WASHC5: variants seen among roughly 807,000 people sequenced by gnomAD.
WASHC5 encodes the protein WASH complex subunit 5.
Under a neutral mutation model 150.4 loss-of-function variants are expected in WASHC5, and 101 were observed. The observed-to-expected ratio is 0.67, with a 90% CI of 0.57 to 0.79. The LOEUF is 0.79. WASHC5 is among the 30% of genes least tolerant of loss of function. WASHC5 has a pLI of 0.00. For missense variants in WASHC5, 1,195 were observed against 1,396.3 expected (o/e 0.86, Z 2.30); for synonymous variants, 467 against 491.2 (o/e 0.95, Z 0.65).
chr8:125,063,678 T>C, intron 10 of WASHC5, 27 bp from the exon 11 acceptor site: 1 of 1,611,064 alleles, frequency 6.2e-7, no homozygotes, highest in South Asian at 1.1e-5. Context: ...AAATATTTAT[T>C]TACTTAAGAG....
rs10429323 is a variant in WASHC5 at position 125,067,625 on chromosome 8, T to C, written c.1245A>G (p.Leu415=). 4.7e-3 allele frequency: 7,589 copies of C among 1,612,736 alleles called. 312 individuals carry two copies. In the African/African-American group the frequency reaches 0.09, roughly 19 times the overall value. The part of the protein sequence containing the change: ...YNPRILFQLL[L]DTAQFEFILK... ...GTATAAACTCAAATTGTGCAGTATCTAACAGCAGCTGGAAGAGGATCCTGG... is the reference window on the plus strand; with the variant it reads ...GTATAAACTCAAATTGTGCAGTATCCAACAGCAGCTGGAAGAGGATCCTGG... The change falls in exon 10 of 29, where the codon TTA becomes TTG. Residue 415 remains leucine, a synonymous_variant. Transcript: ENST00000318410.
chr8:125,046,753 G>T (rs1470837484), intron 20 of WASHC5, among the ~76,000 whole-genome samples: 1 of 152,166 alleles, frequency 6.6e-6, no homozygotes, highest in East Asian at 1.9e-4. Context: ...AAGTGCTTGT[G>T]TGTTGAGCTA....
Position 125,075,028 on chromosome 8 carries a change from A to G in WASHC5, c.948T>C (p.Asn316=). The G allele has an allele frequency of 6.2e-7, 1 of 1,611,782 alleles. No individual in the cohort carries two copies. Among genetic ancestry groups the G allele is most frequent in the South Asian group, 1.1e-5 (1 of 91,040 alleles). Residue 316 remains asparagine, a synonymous_variant, in exon 8 of 29, where the codon AAT becomes AAC. Transcript: ENST00000318410. Reference sequence around the variant, plus strand: ...CTCTGACATTTGAAAGGTCCAGGGTATTATTTAAAGCAGTTTTTGCAGCTT... The same window carrying G: ...CTCTGACATTTGAAAGGTCCAGGGTGTTATTTAAAGCAGTTTTTGCAGCTT... ...PYKAAKTALN[N]TLDLSNVREQ... is the part of the protein sequence containing the mutation.
chr8:125,060,442 T>C (rs190386148), intron 12 of WASHC5, among the ~76,000 whole-genome samples: 3,699 of 150,842 alleles, frequency 0.025, 163 homozygotes, highest in African/African-American at 0.087. Context: ...GCCAAGATTG[T>C]GCCCCTGCAC....
chr8:125,059,753 A>G (rs1004146117), intron 12 of WASHC5, among the ~76,000 whole-genome samples: 3 of 152,230 alleles, frequency 2.0e-5, no homozygotes, highest in East Asian at 3.8e-4. Context: ...CTTATTGTGT[A>G]TATCACAACC....
rs1305621065 is a variant in WASHC5 at position 125,029,504 on chromosome 8, C to T, written c.3336-797G>A. ...GTTCCCATCAGGAGTATAAACTCCT[C>T]GAGGGCCTAGGTCATATGTTCATCT... On this transcript the variant is annotated intron_variant, in intron 27 of 28. Coordinates refer to ENST00000318410, the MANE Select transcript of WASHC5 (RefSeq NM_014846.4). 3.9e-5 allele frequency among the ~76,000 whole-genome samples: 6 copies of T among 152,172 alleles called. No homozygotes were observed. The East Asian group carries it at 5.8e-4, about 15-fold the overall frequency.
rs113791195 is a variant in WASHC5 at position 125,086,707 on chromosome 8, A to G, written c.-124-2685T>C. Among the ~76,000 whole-genome samples the G allele has an allele frequency of 1.7e-3, 263 of 152,330 alleles. 2 individuals are homozygous for G. Among genetic ancestry groups the G allele is most frequent in the African/African-American group, 6.2e-3 (257 of 41,576 alleles). The stretch of plus-strand genomic sequence containing the variant: ...TTAACTCTCTACCAATTCCAGGCCT[A>G]AGCCTTGAGAAGGCCTGGCAGTATC... On this transcript the variant is annotated intron_variant, in intron 1 of 28. Coordinates refer to ENST00000318410, the MANE Select transcript of WASHC5 (RefSeq NM_014846.4).
chr8:125,029,220 A>G (rs577541886), intron 27 of WASHC5, among the ~76,000 whole-genome samples: 1 of 152,110 alleles, frequency 6.6e-6, no homozygotes, highest in Admixed American at 6.5e-5. Flanking sequence ...TTTAGTAGAG[A>G]CGGGGTTTCA....
chr8:125,057,690 T>A, intron 14 of WASHC5, 24 bp from the exon 15 acceptor site: 2 of 1,392,566 alleles, frequency 1.4e-6, no homozygotes, highest in Admixed American at 1.7e-5. Context: ...AAGGTATATC[T>A]GTTTCTTGTT....
At chr8:125,057,199 G>A (rs2130087748) in intron 15 of WASHC5, among the ~76,000 whole-genome samples, 1 of 152,328 alleles carries the variant, frequency 6.6e-6, no homozygotes, top group African/African-American at 2.4e-5. Flanking sequence ...AAATTCCCAT[G>A]AAAACCTGAA....
At chr8:125,029,383 G>C (rs565160119) in intron 27 of WASHC5, among the ~76,000 whole-genome samples, 98 of 152,248 alleles carry the variant, frequency 6.4e-4, no homozygotes, top group African/African-American at 2.2e-3. Flanking sequence ...GTCTCAGCTT[G>C]GGTACTTCTC....
chr8:125,076,281 GC>G (rs1817057199), intron 7 of WASHC5, 66 bp downstream of exon 7: 1 of 1,477,786 alleles, frequency 6.8e-7, no homozygotes, highest in African/African-American at 1.4e-5. Context: ...TGGGTTAAAG[GC>G]CAAAAGAATG....
intron 12 of WASHC5, among the ~76,000 whole-genome samples, chr8:125,060,268 C>CT: frequency 6.6e-6 from 1 of 152,256 alleles, no homozygotes; most frequent in East Asian, 1.9e-4. Context: ...AGGTGGATCA[C>CT]CTGAGGTCAG....
chr8:125,083,646 A>G, intron 2 of WASHC5, 67 bp downstream of exon 2: 2 of 1,275,394 alleles, frequency 1.6e-6, no homozygotes, highest in Non-Finnish European at 2.2e-6. Context: ...ACAGAGTTTC[A>G]TGGTTCCCAG....
intron 9 of WASHC5, 66 bp from the exon 10 acceptor site, chr8:125,067,785 T>G: frequency 6.6e-7 from 1 of 1,522,656 alleles, no homozygotes; most frequent in Admixed American, 1.7e-5. Context: ...ATAAGATAAA[T>G]TATTAAATAT....
intron 11 of WASHC5, among the ~76,000 whole-genome samples, chr8:125,062,322 G>A (rs939066227): frequency 1.3e-5 from 2 of 152,142 alleles, no homozygotes; most frequent in African/African-American, 4.8e-5. Context: ...AACTGTGAAA[G>A]TATGTCCTAA....
chr8:125,075,317 T>C (rs1448657207), intron 7 of WASHC5, among the ~76,000 whole-genome samples: 1 of 152,158 alleles, frequency 6.6e-6, no homozygotes, highest in Non-Finnish European at 1.5e-5. Context: ...GGTATAAAGA[T>C]CTCTTTACAC....
chr8:125,087,278 C>T (rs1166789680), intron 1 of WASHC5, among the ~76,000 whole-genome samples: 1 of 152,170 alleles, frequency 6.6e-6, no homozygotes, highest in Non-Finnish European at 1.5e-5. Flanking sequence ...CATTTTCCTC[C>T]AATCCCCATC....
intron 1 of WASHC5, 144 bp from the exon 2 acceptor site, chr8:125,084,166 G>A (rs543227591): frequency 4.5e-6 from 2 of 446,898 alleles, no homozygotes; most frequent in South Asian, 4.4e-5. Flanking sequence ...GTGTTTATCT[G>A]TCACTCTTCA....
Sources: gnomAD v4.1 joint callset for allele counts (sites outside exome capture counted in the v4.1 genomes callset) on GRCh38, gnomAD v4.1.1 for gene constraint, MANE v1.5 for transcripts, NCBI Gene and HGNC (gene_info 2026-07-23, HGNC 2026-07-21) for gene names.